KLF12: variants seen among roughly 807,000 people sequenced by gnomAD.
The protein encoded by KLF12 is Krueppel-like factor 12.
KLF12 carries 9 observed loss-of-function variants against 37.8 expected under a neutral mutation model. The observed-to-expected ratio is 0.24, with a 90% CI of 0.14 to 0.42. The LOEUF (loss-of-function observed/expected upper bound fraction) is 0.42. Ranked by LOEUF, KLF12 falls within the 10% of genes least tolerant of loss-of-function variation. The pLI is 1.00. For missense variants in KLF12, 411 were observed against 516.0 expected, an observed-to-expected ratio of 0.80 and a Z score of 1.97; for synonymous variants, 208 against 202.1, an observed-to-expected ratio of 1.03 and a Z score of -0.25.
At chr13:74,177,903 A>G in the KLF12 span, among the ~76,000 whole-genome samples, 4 of 152,202 alleles carry the variant, frequency 2.6e-5, no homozygotes, top group Non-Finnish European at 5.9e-5. Flanking sequence ...TTAAGAAGCT[A>G]ATATATATAA....
chr13:74,190,726 T>C, the KLF12 span, among the ~76,000 whole-genome samples: 1 of 152,208 alleles, frequency 6.6e-6, no homozygotes, highest in Non-Finnish European at 1.5e-5. Flanking sequence ...ATATGCATCA[T>C]TGATTAAACT....
At chr13:73,929,321 C>T (rs1383324384) in intron 3 of KLF12, among the ~76,000 whole-genome samples, 1 of 152,150 alleles carries the variant, frequency 6.6e-6, no homozygotes, top group East Asian at 1.9e-4. Context: ...ATATTAACTT[C>T]TTTACTTTCC....
chr13:73,700,165 G>T (rs961180071), intron 7 of KLF12, among the ~76,000 whole-genome samples: 2 of 152,060 alleles, frequency 1.3e-5, no homozygotes, highest in African/African-American at 4.8e-5. Flanking sequence ...TACTTGGGAG[G>T]CTGAGGCATG....
At chr13:74,239,325 T>C in the KLF12 span, among the ~76,000 whole-genome samples, 4 of 149,178 alleles carry the variant, frequency 2.7e-5, no homozygotes, top group South Asian at 6.5e-4. Context: ...ATAATTTCTG[T>C]TCTTTTACAT....
chr13:73,789,867 G>A (rs1422945554), intron 5 of KLF12, among the ~76,000 whole-genome samples: 3 of 151,900 alleles, frequency 2.0e-5, no homozygotes, highest in Non-Finnish European at 4.4e-5. Context: ...TAGTAGAGAC[G>A]GGGTTTCACC....
At chr13:73,699,502 C>A (rs929630961) in intron 7 of KLF12, among the ~76,000 whole-genome samples, 1 of 152,112 alleles carries the variant, frequency 6.6e-6, no homozygotes, top group African/African-American at 2.4e-5. Context: ...TAAAAAAGTA[C>A]AATAACCTCA....
chr13:73,764,636 C>A (rs1879787934), intron 6 of KLF12, among the ~76,000 whole-genome samples: 1 of 151,734 alleles, frequency 6.6e-6, no homozygotes, highest in Non-Finnish European at 1.5e-5. Flanking sequence ...GGTCTATGTA[C>A]CTTCGAAAAA....
chr13:74,269,349 C>A, the KLF12 span, among the ~76,000 whole-genome samples: 9 of 152,072 alleles, frequency 5.9e-5, no homozygotes, highest in Non-Finnish European at 1.3e-4. Context: ...CTGCTCATTT[C>A]ATATAGAGCA....
intron 2 of KLF12, among the ~76,000 whole-genome samples, chr13:73,960,177 C>T (rs1593783887): frequency 6.6e-6 from 1 of 152,182 alleles, no homozygotes; most frequent in South Asian, 2.1e-4. Flanking sequence ...GATTATGAGA[C>T]ATTCAAACCA....
intron 6 of KLF12, among the ~76,000 whole-genome samples, chr13:73,758,930 C>T (rs1296838134): frequency 6.6e-6 from 1 of 152,000 alleles, no homozygotes; most frequent in African/African-American, 2.4e-5. Flanking sequence ...CTTTGGAAGA[C>T]AGAACATAAG....
At chr13:73,796,517 G>C (rs1881978704) in intron 5 of KLF12, among the ~76,000 whole-genome samples, 1 of 110,658 alleles carries the variant, frequency 9.0e-6, no homozygotes, top group African/African-American at 4.5e-5. Context: ...CTGTGTGTGT[G>C]TGTGTGTGTG....
intron 1 of KLF12, among the ~76,000 whole-genome samples, chr13:74,022,874 T>C (rs946726815): frequency 6.9e-6 from 1 of 144,882 alleles, no homozygotes; most frequent in African/African-American, 2.6e-5. Flanking sequence ...CCATCCACTG[T>C]GGAAAAAAAA....
the KLF12 span, among the ~76,000 whole-genome samples, chr13:74,167,861 A>G: frequency 6.6e-6 from 1 of 152,226 alleles, no homozygotes; most frequent in African/African-American, 2.4e-5. Flanking sequence ...ATACATGCAT[A>G]TAGTTTATAA....
the KLF12 span, among the ~76,000 whole-genome samples, chr13:74,253,377 G>A: frequency 6.6e-6 from 1 of 152,142 alleles, no homozygotes; most frequent in African/African-American, 2.4e-5. Flanking sequence ...ACCTGCATGT[G>A]AAGACTTTGA....
intron 3 of KLF12, among the ~76,000 whole-genome samples, chr13:73,940,780 T>A (rs909752499): frequency 5.9e-5 from 9 of 152,140 alleles, no homozygotes; most frequent in Non-Finnish European, 1.0e-4. Flanking sequence ...ACACACAGCA[T>A]AAATCTCATT....
At chr13:74,276,398 C>T in the KLF12 span, among the ~76,000 whole-genome samples, 3 of 152,112 alleles carry the variant, frequency 2.0e-5, no homozygotes, top group African/African-American at 7.2e-5. Flanking sequence ...GTAATACGAT[C>T]AAATTTTAAA....
chr13:73,896,927 A>G (rs1208889302), intron 3 of KLF12, among the ~76,000 whole-genome samples: 1 of 152,154 alleles, frequency 6.6e-6, no homozygotes, highest in African/African-American at 2.4e-5. Flanking sequence ...CTAAAATTCT[A>G]AACTCATAAA....
intron 7 of KLF12, 51 bp from the exon 8 acceptor site, chr13:73,695,722 C>A: frequency 6.5e-7 from 1 of 1,548,880 alleles, no homozygotes; most frequent in South Asian, 1.1e-5. Context: ...ATCACTTTGC[C>A]ATAACCAGGC....
At chr13:74,024,488 A>C (rs1441115544) in intron 1 of KLF12, among the ~76,000 whole-genome samples, 1 of 152,220 alleles carries the variant, frequency 6.6e-6, no homozygotes, top group Non-Finnish European at 1.5e-5. Flanking sequence ...AGAGCCCTTA[A>C]CAGTAACAGC....
Sources: gnomAD v4.1 joint callset for allele counts (sites outside exome capture counted in the v4.1 genomes callset) on GRCh38, gnomAD v4.1.1 for gene constraint, MANE v1.5 for transcripts, NCBI Gene and HGNC (gene_info 2026-07-23, HGNC 2026-07-21) for gene names.